Variants in SRGAP1 observed in about 807,000 individuals in gnomAD.
SRGAP1 encodes SLIT-ROBO Rho GTPase activating protein 1.
Under a neutral mutation model 121.9 loss-of-function variants are expected in SRGAP1, and 43 were observed. That is an observed-to-expected ratio of 0.35 (90% CI 0.28 to 0.46). SRGAP1 has a LOEUF of 0.46. Among genes scored for constraint, SRGAP1 ranks in the 20% least tolerant of loss-of-function variants. The probability of loss-of-function intolerance (pLI) is 1.00; values close to 1 mark genes in which losing one functional copy is unlikely to be tolerated. For missense variants in SRGAP1, 1,102 were observed against 1,350.9 expected (o/e 0.82, Z 2.89); for synonymous variants, 447 against 485.4 (o/e 0.92, Z 1.04).
chr12:63,868,819 C>A (rs1013564661), intron 1 of SRGAP1, among the ~76,000 whole-genome samples: 3 of 152,150 alleles, frequency 2.0e-5, no homozygotes, highest in African/African-American at 7.2e-5. Context: ...CTTCCTTATT[C>A]TCTTGATATC....
intron 1 of SRGAP1, among the ~76,000 whole-genome samples, chr12:63,872,456 A>C (rs1899887038): frequency 6.6e-6 from 1 of 152,232 alleles, no homozygotes; most frequent in Non-Finnish European, 1.5e-5. Flanking sequence ...AAAGGATGTT[A>C]GGGAAAATAG....
chr12:63,889,163 C>T (rs7963684), intron 1 of SRGAP1, among the ~76,000 whole-genome samples: 11,075 of 152,256 alleles, frequency 0.073, 587 homozygotes, highest in East Asian at 0.23. Flanking sequence ...CTCCTCACCC[C>T]TGTGACAGCA....
chr12:63,916,391 A>G (rs536829951), intron 1 of SRGAP1, among the ~76,000 whole-genome samples: 16 of 152,288 alleles, frequency 1.1e-4, no homozygotes, highest in Non-Finnish European at 1.9e-4. Context: ...AGACACCTTT[A>G]GGTGGGTGAT....
intron 4 of SRGAP1, among the ~76,000 whole-genome samples, chr12:64,037,369 C>T (rs2034924419): frequency 6.6e-6 from 1 of 152,204 alleles, no homozygotes. Context: ...GGCCTTATAA[C>T]TGTCATCGTG....
intron 18 of SRGAP1, among the ~76,000 whole-genome samples, chr12:64,122,235 G>C (rs2036615573): frequency 6.6e-6 from 1 of 152,192 alleles, no homozygotes; most frequent in Admixed American, 6.5e-5. Context: ...GGAAAACTAA[G>C]TGATCATGTT....
At chr12:63,943,619 T>C (rs951889722) in intron 1 of SRGAP1, among the ~76,000 whole-genome samples, 11 of 152,204 alleles carry the variant, frequency 7.2e-5, no homozygotes, top group Admixed American at 6.5e-5. Context: ...TATGTTTTTT[T>C]TCTAGGGGTA....
Position 64,063,141 on chromosome 12 carries a change from C to T in SRGAP1, c.1023+3C>T. 1 of 1,601,870 alleles carries T rather than the reference C, an allele frequency of 6.2e-7. No homozygotes were observed. Among genetic ancestry groups the T allele is most frequent in the Non-Finnish European group, 8.5e-7 (1 of 1,169,966 alleles). Reference sequence around the variant, plus strand: ...TTCAGTCTCACATGGGTGATGAGGTCAGTAATTGATCATTTTTAAAATAAT... The same window carrying T: ...TTCAGTCTCACATGGGTGATGAGGTTAGTAATTGATCATTTTTAAAATAAT... On this transcript the variant is annotated splice_donor_region_variant and intron_variant, in intron 7 of 21. Coordinates refer to ENST00000355086, the MANE Select transcript of SRGAP1 (RefSeq NM_020762.4).
intron 21 of SRGAP1, among the ~76,000 whole-genome samples, chr12:64,139,929 G>A (rs2036929859): frequency 6.6e-6 from 1 of 151,528 alleles, no homozygotes; most frequent in African/African-American, 2.4e-5. Flanking sequence ...TAAGGTGTAA[G>A]GAAGGGATCC....
intron 11 of SRGAP1, among the ~76,000 whole-genome samples, chr12:64,088,095 A>G (rs1196455680): frequency 1.3e-5 from 2 of 152,350 alleles, no homozygotes; most frequent in South Asian, 4.1e-4. Flanking sequence ...CTGCTGCAGT[A>G]ATTGGCAAGT....
chr12:63,985,829 C>T (rs2033397987), intron 2 of SRGAP1, among the ~76,000 whole-genome samples: 1 of 152,132 alleles, frequency 6.6e-6, no homozygotes, highest in African/African-American at 2.4e-5. Flanking sequence ...CTCTACCCAC[C>T]TTCACAGGGC....
chr12:64,102,124 C>T (rs890282321), intron 15 of SRGAP1, among the ~76,000 whole-genome samples: 1 of 152,194 alleles, frequency 6.6e-6, no homozygotes, highest in Non-Finnish European at 1.5e-5. Context: ...ACCCTTAAAA[C>T]CAACAATAAT....
At chr12:63,876,798 C>T (rs1166502645) in intron 1 of SRGAP1, among the ~76,000 whole-genome samples, 1 of 152,158 alleles carries the variant, frequency 6.6e-6, no homozygotes, top group Non-Finnish European at 1.5e-5. Flanking sequence ...ACTATTTTCT[C>T]AATATAGTTT....
chr12:63,945,270 T>G (rs1038947656), intron 1 of SRGAP1, among the ~76,000 whole-genome samples: 4 of 152,104 alleles, frequency 2.6e-5, no homozygotes. Flanking sequence ...TCTGTTTGTT[T>G]TTTTTTTTTA....
At chr12:64,018,745 A>G (rs1307400411) in intron 4 of SRGAP1, among the ~76,000 whole-genome samples, 1 of 152,204 alleles carries the variant, frequency 6.6e-6, no homozygotes, top group Non-Finnish European at 1.5e-5. Flanking sequence ...GATTATATCT[A>G]TATACCAAAT....
rs1287718230 is a variant in SRGAP1, at chr12:64,146,693, C to T, written c.*4021C>T. ...ACAGAAACCCTGAGACACAGAGCAG[C>T]TTAGAAGTCTCTACCCAGGCGTAAA... On this transcript the variant is annotated 3_prime_UTR_variant, in exon 22 of 22. Coordinates refer to ENST00000355086, the MANE Select transcript of SRGAP1 (RefSeq NM_020762.4). 1.3e-5 allele frequency: 2 copies of T among 152,116 alleles called. No homozygotes were observed. Among genetic ancestry groups the T allele is most frequent in the Non-Finnish European group, 2.9e-5 (2 of 68,038 alleles). 9.4% of individuals were successfully genotyped at this position (152,116 alleles called of 1,614,324 possible).
chr12:64,134,972 T>A (rs1364069894), intron 21 of SRGAP1, among the ~76,000 whole-genome samples: 1 of 152,166 alleles, frequency 6.6e-6, no homozygotes, highest in African/African-American at 2.4e-5. Flanking sequence ...TGGAGGTGGC[T>A]CCTGAGGAGA....
At chr12:64,084,333 TG>T (rs965796245) in intron 10 of SRGAP1, among the ~76,000 whole-genome samples, 3 of 149,976 alleles carry the variant, frequency 2.0e-5, no homozygotes, top group Admixed American at 6.8e-5. Flanking sequence ...GCTTATATGT[TG>T]GGGGGTGTGG....
At chr12:64,099,380 C>T (rs1463113331) in intron 15 of SRGAP1, among the ~76,000 whole-genome samples, 1 of 152,122 alleles carries the variant, frequency 6.6e-6, no homozygotes, top group African/African-American at 2.4e-5. Context: ...AACATTTGTC[C>T]ACTCCCGAAG....
chr12:63,964,691 G>C (rs951223810), intron 1 of SRGAP1, among the ~76,000 whole-genome samples: 4 of 152,142 alleles, frequency 2.6e-5, no homozygotes, highest in African/African-American at 9.7e-5. Flanking sequence ...TGGATGGCTT[G>C]AGAGTGTGTT....
Sources: gnomAD v4.1 joint callset for allele counts (sites outside exome capture counted in the v4.1 genomes callset) on GRCh38, gnomAD v4.1.1 for gene constraint, MANE v1.5 for transcripts, NCBI Gene and HGNC (gene_info 2026-07-23, HGNC 2026-07-21) for gene names.